CHST15: variants seen among roughly 807,000 people sequenced by gnomAD.
CHST15 encodes B cell RAG associated protein (GALNAC4S-6ST).
Under a neutral mutation model 53.6 loss-of-function variants are expected in CHST15, and 30 were observed. That is an observed-to-expected ratio of 0.56 (90% CI 0.42 to 0.76). The LOEUF (loss-of-function observed/expected upper bound fraction) is 0.76. CHST15 is among the 30% of genes least tolerant of loss of function. The pLI is 0.00. For missense variants in CHST15, 627 were observed against 740.5 expected (o/e 0.85, Z 1.78); for synonymous variants, 296 against 289.8 (o/e 1.02, Z -0.22).
chr10:124,043,510 C>T (rs373508241), intron 3 of CHST15, among the ~76,000 whole-genome samples: 1 of 152,362 alleles, frequency 6.6e-6, no homozygotes, highest in East Asian at 1.9e-4. Context: ...CCCTTCTAGT[C>T]AACCTGAGTC....
At chr10:124,031,645 A>G (rs28666726) in intron 5 of CHST15, among the ~76,000 whole-genome samples, 12,427 of 152,250 alleles carry the variant, frequency 0.082, 771 homozygotes, top group African/African-American at 0.17. Flanking sequence ...GGGAGTGAGT[A>G]AATGAGTGAT....
At chr10:124,032,811 G>GGA (rs1554906079) in intron 5 of CHST15, among the ~76,000 whole-genome samples, 1 of 135,988 alleles carries the variant, frequency 7.4e-6, no homozygotes, top group Non-Finnish European at 1.6e-5. Flanking sequence ...TTCTCCTCCA[G>GGA]AAAAAAAAAA....
At position 124,046,317 on chromosome 10, in the gene CHST15, G is replaced by C. The variant is rs1948005192; in HGVS notation, c.-105C>G. 9.9e-7 allele frequency: 1 copy of C among 1,010,912 alleles called. No individual in the cohort carries two copies. The highest frequency in any genetic ancestry group is 1.7e-5 in the South Asian group (1 of 60,402). The allele number at this position is 1,010,912 out of a possible 1,614,324, so 62.6% of individuals were successfully genotyped here. Reference sequence around the variant, plus strand: ...CTAGAAAACCTTAAGAATGCCTTGTGATCACAGAAGATGGATGGAAAGCAC... The same window carrying C: ...CTAGAAAACCTTAAGAATGCCTTGTCATCACAGAAGATGGATGGAAAGCAC... On this transcript the variant is annotated 5_prime_UTR_variant, in exon 2 of 8. In the 5' UTR this introduces an upstream ATG that the reference lacks. Transcript: ENST00000435907.
chr10:124,089,518 G>C (rs2134264228), intron 1 of CHST15, among the ~76,000 whole-genome samples: 1 of 152,196 alleles, frequency 6.6e-6, no homozygotes, highest in South Asian at 2.1e-4. Flanking sequence ...GAAGGAGCTG[G>C]CCAAGAGCTG....
At chr10:124,078,413 G>A (rs912181194) in intron 1 of CHST15, among the ~76,000 whole-genome samples, 3 of 152,216 alleles carry the variant, frequency 2.0e-5, no homozygotes, top group African/African-American at 7.2e-5. Context: ...ATGAAATAAA[G>A]TAGATAAAAC....
At chr10:124,064,472 G>A (rs1948689697) in intron 1 of CHST15, among the ~76,000 whole-genome samples, 1 of 152,220 alleles carries the variant, frequency 6.6e-6, no homozygotes, top group East Asian at 1.9e-4. Flanking sequence ...GGGGATTCAG[G>A]GTGCGCAGCG....
chr10:124,066,007 G>A (rs763283730), intron 1 of CHST15, among the ~76,000 whole-genome samples: 19 of 151,910 alleles, frequency 1.3e-4, no homozygotes, highest in Non-Finnish European at 2.5e-4. Context: ...TCGAGTATTC[G>A]GAATCAACTA....
At chr10:124,021,928 T>C (rs1039883788) in intron 5 of CHST15, among the ~76,000 whole-genome samples, 4 of 152,216 alleles carry the variant, frequency 2.6e-5, no homozygotes, top group African/African-American at 9.6e-5. Flanking sequence ...TGTATCTTTC[T>C]AGGTTGGTAG....
chr10:124,032,330 A>G (rs903603751), intron 5 of CHST15, among the ~76,000 whole-genome samples: 9 of 152,148 alleles, frequency 5.9e-5, no homozygotes, highest in African/African-American at 1.9e-4. Context: ...GTTTCTGGGC[A>G]TTGCATTAAG....
rs751160286 is a variant in CHST15, at chr10:124,045,812, T to C, written c.401A>G (p.His134Arg). Residue 134 changes from histidine to arginine, a missense_variant, in exon 2 of 8, where the codon CAT (histidine) becomes CGT (arginine). Coordinates refer to ENST00000435907, the MANE Select transcript of CHST15 (RefSeq NM_001270764.2). ...DSENPSDTKE[H>R]HHQSSVNNIS... ...ATTATTTACAGAGGATTGGTGGTGA[T>C]GCTCCTTTGTGTCACTTGGGTTTTC... 11 of 1,614,178 alleles carry C rather than the reference T, an allele frequency of 6.8e-6. No homozygotes were observed. The Admixed American group carries it at 1.8e-4, about 27-fold the overall frequency.
intron 5 of CHST15, among the ~76,000 whole-genome samples, chr10:124,021,900 GA>G (rs567203155): frequency 6.6e-6 from 1 of 150,506 alleles, no homozygotes; most frequent in African/African-American, 2.4e-5. Flanking sequence ...TCCTGACATT[GA>G]AAAAAAAATG....
chr10:124,035,979 CCT>C (rs1273681152), intron 5 of CHST15, among the ~76,000 whole-genome samples: 1 of 152,242 alleles, frequency 6.6e-6, no homozygotes, highest in Non-Finnish European at 1.5e-5. Context: ...TGGGCCCCCA[CCT>C]CTCTGTGCCC....
chr10:124,008,549 C>T lies in CHST15; in HGVS notation c.*1600G>A, dbSNP rs1365867983. The T allele has an allele frequency of 7.1e-6, 7 of 991,626 alleles. No individual in the cohort carries two copies. Among genetic ancestry groups the T allele is most frequent in the Non-Finnish European group, 8.4e-6 (7 of 833,382 alleles). The allele number at this position is 991,626 out of a possible 1,614,324, so 61.4% of individuals were successfully genotyped here. Reference sequence around the variant, plus strand: ...CAGTAGCAAAAACAGCCCTGGCCATCCTGGCGCTCAGAGCCCTCTGCACAC... The same window carrying T: ...CAGTAGCAAAAACAGCCCTGGCCATTCTGGCGCTCAGAGCCCTCTGCACAC... On this transcript the variant is annotated 3_prime_UTR_variant, in exon 8 of 8. Coordinates refer to ENST00000435907, the MANE Select transcript of CHST15 (RefSeq NM_001270764.2).
At chr10:124,041,047 G>C (rs1947715528) in intron 4 of CHST15, among the ~76,000 whole-genome samples, 1 of 152,092 alleles carries the variant, frequency 6.6e-6, no homozygotes, top group African/African-American at 2.4e-5. Flanking sequence ...TGGGGAGTTT[G>C]GACTCCCAAG....
chr10:124,045,847 C>T lies in CHST15; in HGVS notation c.366G>A (p.Leu122=). The part of the protein sequence containing the change: ...HYGGFPSNPS[L]MDSENPSDTK... ...TGTCACTTGGGTTTTCGCTGTCCAT[C>T]AAGCTGGGGTTGCTGGGGAAGCCTC... The change falls in exon 2 of 8, where the codon TTG becomes TTA. Residue 122 remains leucine (L), a synonymous_variant. Transcript: ENST00000435907. 6.2e-7 allele frequency: 1 copy of T among 1,613,898 alleles called. No individual in the cohort carries two copies. The highest frequency in any genetic ancestry group is 8.5e-7 in the Non-Finnish European group (1 of 1,180,006).
chr10:124,038,340 A>C (rs1947599802), intron 5 of CHST15, among the ~76,000 whole-genome samples, 175 bp downstream of exon 5: 1 of 152,086 alleles, frequency 6.6e-6, no homozygotes, highest in Non-Finnish European at 1.5e-5. Context: ...TCCTGACCTC[A>C]GGCGATCCAC....
intron 3 of CHST15, among the ~76,000 whole-genome samples, chr10:124,044,086 G>T (rs1301839428): frequency 6.8e-6 from 1 of 147,072 alleles, no homozygotes; most frequent in Non-Finnish European, 1.5e-5. Flanking sequence ...AGCAGGGAGC[G>T]GCACAGAGCA....
In CHST15 at chr10:124,042,291, G is replaced by A; in HGVS notation, c.1033+10C>T. On this transcript the variant is annotated intron_variant, in intron 4 of 7. Coordinates refer to ENST00000435907, the MANE Select transcript of CHST15 (RefSeq NM_001270764.2). ...GTGCTAGCCCTGCCAGAGTGACACA[G>A]ACGCCTTACCGATAATGATTGTATT... The A allele has an allele frequency of 6.2e-7, 1 of 1,605,230 alleles. No individual in the cohort carries two copies. The highest frequency in any genetic ancestry group is 8.5e-7 in the Non-Finnish European group (1 of 1,172,542).
chr10:124,091,869 C>T (rs1476663649), intron 1 of CHST15, among the ~76,000 whole-genome samples: 1 of 152,230 alleles, frequency 6.6e-6, no homozygotes, highest in East Asian at 1.9e-4. Flanking sequence ...CCAGCCCCAG[C>T]CTTCCTCCTC....
Sources: allele counts gnomAD v4.1 joint callset (sites outside exome capture counted in the v4.1 genomes callset), GRCh38; gene constraint gnomAD v4.1.1; transcripts MANE v1.5; gene names NCBI Gene and HGNC (gene_info 2026-07-23, HGNC 2026-07-21).